Variants in CSMD2 observed in about 807,000 individuals in gnomAD.
The protein encoded by CSMD2 is CUB and sushi domain-containing protein 2.
Under a neutral mutation model 398.5 loss-of-function variants are expected in CSMD2, and 130 were observed. The ratio of observed to expected loss-of-function variants is 0.33; its 90% confidence interval spans 0.28 to 0.38. The LOEUF (loss-of-function observed/expected upper bound fraction) is 0.38, where lower values mean the gene tolerates loss of function less well. Among genes scored for constraint, CSMD2 ranks in the 10% least tolerant of loss-of-function variants. The pLI is 1.00. For missense variants in CSMD2, 3,829 were observed against 4,764.9 expected (o/e 0.80, Z 5.78); for synonymous variants, 1,828 against 1,908.5 (o/e 0.96, Z 1.10).
chr1:33,923,589 T>C (rs1644023613), intron 4 of CSMD2, among the ~76,000 whole-genome samples: 1 of 152,166 alleles, frequency 6.6e-6, no homozygotes, highest in African/African-American at 2.4e-5. Context: ...CCATTCAGGG[T>C]ATTTAGGGCA....
In CSMD2 at chr1:33,810,401, A is replaced by C. The variant is rs1462228231; in HGVS notation, c.1446+342T>G. Among the ~76,000 whole-genome samples, 3 of 152,212 alleles carry C rather than the reference A, an allele frequency of 2.0e-5. No individual in the cohort carries two copies. In the East Asian group the frequency reaches 5.8e-4, roughly 29 times the overall value. ...ACTTAAGTGCTAAGTATAAAGAAAA[A>C]CAAAGGAATAATAAACACACAATTG... On this transcript the variant is annotated intron_variant, in intron 10 of 70. Transcript: ENST00000373381.
intron 1 of CSMD2, among the ~76,000 whole-genome samples, chr1:34,100,370 A>G (rs1659826494): frequency 6.6e-6 from 1 of 151,996 alleles, no homozygotes; most frequent in South Asian, 2.1e-4. Context: ...ATTCTGGGAG[A>G]ATTTTGATTA....
chr1:33,598,202 T>C (rs563340387), intron 44 of CSMD2, among the ~76,000 whole-genome samples: 1 of 152,218 alleles, frequency 6.6e-6, no homozygotes, highest in South Asian at 2.1e-4. Flanking sequence ...ATGGTGTTCA[T>C]TTTATTACTC....
intron 1 of CSMD2, among the ~76,000 whole-genome samples, chr1:34,107,244 T>A (rs551667964): frequency 6.6e-6 from 1 of 152,286 alleles, no homozygotes; most frequent in South Asian, 2.1e-4. Flanking sequence ...AACAGACTCA[T>A]GAAAGTTGAG....
rs1453489450 is a variant in CSMD2, at chr1:33,646,653, T to G, written c.4769A>C (p.Tyr1590Ser). Residue 1590 changes from tyrosine (Y) to serine (S), a missense_variant, in exon 29 of 71, where the codon TAT becomes TCT. Coordinates refer to ENST00000373381, the MANE Select transcript of CSMD2 (RefSeq NM_001281956.2). ...TCTGGCACCAGGGCCCTTACCTGTA[T>G]AGTCAATGACGAAGCCAGCATTGCT... ...SVSNAGFVID[Y>S]TENPRESCFD... 3 of 1,613,536 alleles carry G rather than the reference T, an allele frequency of 1.9e-6. No individual in the cohort carries two copies. The highest frequency in any genetic ancestry group is 2.5e-6 in the Non-Finnish European group (3 of 1,179,982).
intron 1 of CSMD2, among the ~76,000 whole-genome samples, chr1:34,132,641 C>T (rs1380526504): frequency 6.6e-6 from 1 of 152,196 alleles, no homozygotes; most frequent in Non-Finnish European, 1.5e-5. Flanking sequence ...TGTGGGTGGG[C>T]CTCATCCAAT....
At chr1:34,099,318 GA>G (rs771793115) in intron 1 of CSMD2, among the ~76,000 whole-genome samples, 4 of 152,300 alleles carry the variant, frequency 2.6e-5, no homozygotes, top group East Asian at 1.9e-4. Flanking sequence ...TCATAGACTA[GA>G]AACAAGTAAA....
chr1:33,696,973 T>C (rs1318402931), intron 24 of CSMD2, among the ~76,000 whole-genome samples: 2 of 152,134 alleles, frequency 1.3e-5, no homozygotes, highest in Non-Finnish European at 2.9e-5. Context: ...TACAAAAATA[T>C]GCACATAATC....
intron 1 of CSMD2, among the ~76,000 whole-genome samples, chr1:34,096,445 C>A (rs1659316057): frequency 6.6e-6 from 1 of 151,156 alleles, no homozygotes; most frequent in Non-Finnish European, 1.5e-5. Context: ...AAAGGGTATT[C>A]AATTAGGAAA....
Position 33,559,564 on chromosome 1 carries a change from C to CA in CSMD2, c.8381-92dup, listed in dbSNP as rs1658358906. 2.6e-5 allele frequency: 30 copies of CA among 1,138,736 alleles called. No individual in the cohort carries two copies. Among genetic ancestry groups the CA allele is most frequent in the Non-Finnish European group, 3.6e-5 (29 of 801,822 alleles). 70.5% of individuals were successfully genotyped at this position (1,138,736 alleles called of 1,614,324 possible). On this transcript the variant is annotated intron_variant, in intron 53 of 70. Coordinates refer to ENST00000373381, the MANE Select transcript of CSMD2 (RefSeq NM_001281956.2). This position sits in a 1 kb window ranked among gnomAD's most constrained non-coding sequence, Gnocchi z 4.0. ...TCTCACCTGGCATCTCTTAGGCCAT[C>CA]AGTGAAGTTCAGCCCTAAGTCTAAC...
chr1:33,668,340 G>A (rs1213213732), intron 25 of CSMD2, among the ~76,000 whole-genome samples: 2 of 152,174 alleles, frequency 1.3e-5, no homozygotes, highest in African/African-American at 2.4e-5. Flanking sequence ...CACTCTTGGT[G>A]CCTGGGTAAG....
rs139553882 is a variant in CSMD2, at chr1:33,961,680, G to A, written c.518-25726C>T. 2.0e-4 allele frequency among the ~76,000 whole-genome samples: 30 copies of A among 152,270 alleles called. No homozygotes were observed. In the East Asian group the frequency reaches 3.5e-3, roughly 18 times the overall value. Reference sequence around the variant, plus strand: ...GCTTTGGTGCTGTCCTGGCAGTAATGAGTGAGTTCTCACTCCATGAGTTCA... The same window carrying A: ...GCTTTGGTGCTGTCCTGGCAGTAATAAGTGAGTTCTCACTCCATGAGTTCA... On this transcript the variant is annotated intron_variant, in intron 3 of 70. Transcript: ENST00000373381.
chr1:33,545,630 T>C (rs757703346), intron 57 of CSMD2, among the ~76,000 whole-genome samples: 26 of 152,188 alleles, frequency 1.7e-4, no homozygotes, highest in South Asian at 8.3e-4. Context: ...CCCCACTTCC[T>C]AATACTATCA....
At chr1:34,034,965 CTAAT>C (rs1650931785) in intron 2 of CSMD2, among the ~76,000 whole-genome samples, 2 of 152,032 alleles carry the variant, frequency 1.3e-5, no homozygotes, top group African/African-American at 4.8e-5. Flanking sequence ...AATGATCCAC[CTAAT>C]TAATATAAAA....
intron 13 of CSMD2, among the ~76,000 whole-genome samples, chr1:33,748,708 T>A (rs1463375564): frequency 1.3e-5 from 2 of 152,186 alleles, no homozygotes; most frequent in African/African-American, 4.8e-5. Context: ...ATGACAGTTA[T>A]AATACTTTAT....
intron 64 of CSMD2, among the ~76,000 whole-genome samples, chr1:33,528,194 G>A (rs1205921242): frequency 1.3e-5 from 2 of 152,208 alleles, no homozygotes; most frequent in East Asian, 1.9e-4. Context: ...TAATGACTGC[G>A]TGACCTTGAC....
chr1:34,006,181 T>G (rs2148050308), intron 3 of CSMD2, among the ~76,000 whole-genome samples: 1 of 152,308 alleles, frequency 6.6e-6, no homozygotes, highest in Non-Finnish European at 1.5e-5. Context: ...CCCAGCCAAA[T>G]ACAAAGCCAA....
chr1:34,153,085 C>T (rs915638432), intron 1 of CSMD2, among the ~76,000 whole-genome samples: 5 of 152,274 alleles, frequency 3.3e-5, no homozygotes, highest in South Asian at 4.1e-4. Context: ...GGCGCGATCT[C>T]GGCTCACTGC....
intron 3 of CSMD2, among the ~76,000 whole-genome samples, chr1:34,031,089 C>CT (rs879272380): frequency 3.3e-3 from 469 of 142,138 alleles, no homozygotes; most frequent in South Asian, 4.1e-3. Context: ...TTGGTAGGAA[C>CT]TTTTTTTTTT....
Sources: gnomAD v4.1 joint callset for allele counts (sites outside exome capture counted in the v4.1 genomes callset) on GRCh38, gnomAD v4.1.1 for gene constraint, Gnocchi (gnomAD v3.1) non-coding constraint, MANE v1.5 for transcripts, NCBI Gene and HGNC (gene_info 2026-07-23, HGNC 2026-07-21) for gene names.